GRID2IP: variants seen among roughly 807,000 people sequenced by gnomAD.
GRID2IP encodes Grid2 interacting protein.
A neutral mutation model predicts 114.3 loss-of-function variants in GRID2IP; 78 were observed. That is an observed-to-expected ratio of 0.68 (90% CI 0.57 to 0.82). The LOEUF is 0.82. Among genes scored for constraint, GRID2IP ranks in the 40% least tolerant of loss-of-function variants. The pLI, the probability that GRID2IP is intolerant of heterozygous loss-of-function variation, is 0.00. For synonymous variants in GRID2IP, 809 were observed against 724.0 expected (o/e 1.12, Z -1.89); for missense variants, 1,727 against 1,678.5 (o/e 1.03, Z -0.51).
chr7:6,498,200 A>T lies in GRID2IP; in HGVS notation c.3428T>A (p.Leu1143His). 1 of 1,548,164 alleles carries T rather than the reference A, an allele frequency of 6.5e-7. No homozygotes were observed. The highest frequency in any genetic ancestry group is 8.7e-7 in the Non-Finnish European group (1 of 1,145,918). Residue 1143 changes from leucine to histidine, a missense_variant, in exon 21 of 22, where the codon CTT (leucine) becomes CAT (histidine). Leu to His is a moderately conservative substitution (Grantham distance 99). Transcript: ENST00000457091. ...GCGCTGCAGCCCGTCGAGCGCCCGA[A>T]GTGCTGGCTGGGCCGTCTCCAGGAA... ...SSFLETAQPA[L>H]RALDGLQREA...
intron 2 of GRID2IP, among the ~76,000 whole-genome samples, chr7:6,529,569 A>C (rs1006535671): frequency 6.6e-6 from 1 of 152,214 alleles, no homozygotes; most frequent in Non-Finnish European, 1.5e-5. Context: ...GACAGAGGCC[A>C]AGGCTGCCTG....
Position 6,503,652 on chromosome 7 carries a change from C to CCGCGGGGCTCAGCTT in GRID2IP, c.2731_2745dup (p.Lys911_Ala915dup). 1 of 1,516,650 alleles carries CCGCGGGGCTCAGCTT rather than the reference C, an allele frequency of 6.6e-7. No homozygotes were observed. The highest frequency in any genetic ancestry group is 1.2e-5 in the South Asian group (1 of 82,300). 93.9% of individuals were successfully genotyped at this position (1,516,650 alleles called of 1,614,324 possible). A position where few individuals can be genotyped will look rare whatever the true frequency, so the allele number is the denominator to read the frequency against. On this transcript the variant is annotated inframe_insertion, in exon 16 of 22. Coordinates refer to ENST00000457091, the MANE Select transcript of GRID2IP (RefSeq NM_001145118.2). Reference sequence around the variant, plus strand: ...ATGCTCATCAGCACCTGGCGCAGCTCCGCGGGGCTCAGCTTCAGGTGTGCC... The same window carrying CCGCGGGGCTCAGCTT: ...ATGCTCATCAGCACCTGGCGCAGCTCCGCGGGGCTCAGCTTCGCGGGGCTCAGCTTCAGGTGTGCC...
In GRID2IP at chr7:6,534,430, C is replaced by G. The variant is rs2115090990; in HGVS notation, c.584+5288G>C. Among the ~76,000 whole-genome samples the G allele has an allele frequency of 6.6e-6, 1 of 152,334 alleles. No individual in the cohort carries two copies. The highest frequency in any genetic ancestry group is 2.1e-4 in the South Asian group (1 of 4,830). On this transcript the variant is annotated intron_variant, in intron 2 of 21. Coordinates refer to ENST00000457091, the MANE Select transcript of GRID2IP (RefSeq NM_001145118.2). This position sits in a 1 kb window ranked among gnomAD's most constrained non-coding sequence, Gnocchi z 4.5. ...TTCTCACTTCATCAGACCGGGGTCC[C>G]TTTGGGGAGAGACCCAAATTAGCCT...
chr7:6,505,761 T>C (rs1786560537), intron 14 of GRID2IP, 59 bp downstream of exon 14: 2 of 1,112,514 alleles, frequency 1.8e-6, no homozygotes, highest in East Asian at 5.1e-5. Context: ...ATGCTAAGCC[T>C]GGGGCTGCCA....
chr7:6,551,227 C>T lies in GRID2IP; in HGVS notation c.210G>A (p.Arg70=). The part of the protein sequence containing the change: ...LSRERLVRLA[R]RCPRVPPSLG... ...GACTGGGCGGCACACGTGGGCAGCGCCGTGCCAGGCGCACGAGGCGCTCGC... is the reference window on the plus strand; with the variant it reads ...GACTGGGCGGCACACGTGGGCAGCGTCGTGCCAGGCGCACGAGGCGCTCGC... Residue 70 remains arginine (R), a synonymous_variant, in exon 1 of 22, where the codon CGG becomes CGA. Transcript: ENST00000457091. 6.6e-7 allele frequency: 1 copy of T among 1,525,130 alleles called. No individual in the cohort carries two copies. The highest frequency in any genetic ancestry group is 8.8e-7 in the Non-Finnish European group (1 of 1,142,128). 94.5% of individuals were successfully genotyped at this position (1,525,130 alleles called of 1,614,324 possible).
In GRID2IP at chr7:6,508,095, G is replaced by T. The variant is rs1052029105; in HGVS notation, c.2434C>A (p.Pro812Thr). ...PLPPPVPCAP[P>T]MLSRGLGHRR... Reference sequence around the variant, plus strand: ...TGGCCCAGGCCCCGGGACAGCATGGGGGGTGCACAGGGCACGGGTGGGGGC... The same window carrying T: ...TGGCCCAGGCCCCGGGACAGCATGGTGGGTGCACAGGGCACGGGTGGGGGC... The change falls in exon 13 of 22, where the codon CCC (proline) becomes ACC (threonine). Residue 812 changes from proline (P) to threonine (T), a missense_variant. Pro to Thr is a conservative substitution (Grantham distance 38, BLOSUM62 -1). Transcript: ENST00000457091. This position sits in a 1 kb window ranked among gnomAD's most constrained non-coding sequence, Gnocchi z 5.6. The T allele has an allele frequency of 6.5e-7, 1 of 1,543,334 alleles. No individual in the cohort carries two copies. The highest frequency in any genetic ancestry group is 8.7e-7 in the Non-Finnish European group (1 of 1,145,460).
At position 6,506,350 on chromosome 7, in the gene GRID2IP, G is replaced by A. The variant is rs571874807; in HGVS notation, c.2545-443C>T. On this transcript the variant is annotated intron_variant, in intron 13 of 21. Transcript: ENST00000457091. The surrounding 1 kb of genome is among the most constrained non-coding windows in gnomAD (Gnocchi z 5.2). ...AACTGTGACAGCCTAGGGGCCAGAC[G>A]CTGGACACGTGGCTGTGATGAATGG... is the stretch of plus-strand genomic sequence containing the variant. Among the ~76,000 whole-genome samples the A allele has an allele frequency of 1.9e-3, 286 of 152,320 alleles. No individual in the cohort carries two copies. Among genetic ancestry groups the A allele is most frequent in the African/African-American group, 6.6e-3 (273 of 41,572 alleles).
rs533130436 is a variant in GRID2IP, at chr7:6,530,104, G to A, written c.585-3335C>T. ...CTCCCGAGTAGCTGGGACTACAGGCGCATGCCTTCACACCCGGCTAATTTT... is the reference window on the plus strand; with the variant it reads ...CTCCCGAGTAGCTGGGACTACAGGCACATGCCTTCACACCCGGCTAATTTT... On this transcript the variant is annotated intron_variant, in intron 2 of 21. Transcript: ENST00000457091. 2.4e-4 allele frequency among the ~76,000 whole-genome samples: 36 copies of A among 148,774 alleles called. 1 individual carries two copies. The South Asian group carries it at 3.2e-3, about 13-fold the overall frequency.
At chr7:6,525,977 G>T (rs568827650) in intron 4 of GRID2IP, among the ~76,000 whole-genome samples, 15 of 152,266 alleles carry the variant, frequency 9.9e-5, no homozygotes, top group African/African-American at 3.6e-4. Flanking sequence ...AATTTAGAGG[G>T]GCAGGGGTGG....
rs999130168 is a variant in GRID2IP at position 6,516,470 on chromosome 7, A to T, written c.1269-1941T>A. Among the ~76,000 whole-genome samples, 6 of 145,098 alleles carry T rather than the reference A, an allele frequency of 4.1e-5. No homozygotes were observed. Among genetic ancestry groups the T allele is most frequent in the Admixed American group, 1.4e-4 (2 of 14,676 alleles). On this transcript the variant is annotated intron_variant, in intron 7 of 21. Coordinates refer to ENST00000457091, the MANE Select transcript of GRID2IP (RefSeq NM_001145118.2). The surrounding 1 kb of genome is among the most constrained non-coding windows in gnomAD (Gnocchi z 4.3). Reference sequence around the variant, plus strand: ...CGGTGAGAAGTGACCAAAAGACAAGAGTGTGAGCCCTCCGTTATGCCTGGA... The same window carrying T: ...CGGTGAGAAGTGACCAAAAGACAAGTGTGTGAGCCCTCCGTTATGCCTGGA...
rs2115364247 is a variant in GRID2IP at position 6,509,295 on chromosome 7, C to A, written c.1790G>T (p.Gly597Val). The A allele has an allele frequency of 2.0e-6, 3 of 1,523,168 alleles. No homozygotes were observed. The highest frequency in any genetic ancestry group is 1.3e-5 in the South Asian group (1 of 78,824). The allele number at this position is 1,523,168 out of a possible 1,614,324, so 94.4% of individuals were successfully genotyped here. The part of the protein sequence containing the change: ...AVTTGPRTLS[G>V]VSWPSERLLP... The stretch of plus-strand genomic sequence containing the variant: ...GAGTCGCTCGCTGGGCCATGAGACG[C>A]CGGACAGGGTCCTGGGCCCTGGAGG... The change falls in exon 12 of 22, where the codon GGC becomes GTC. Residue 597 changes from glycine (G) to valine (V), a missense_variant. Transcript: ENST00000457091. This position sits in a 1 kb window ranked among gnomAD's most constrained non-coding sequence, Gnocchi z 4.9.
At chr7:6,531,032 G>A (rs773304591) in intron 2 of GRID2IP, 2 of 644,544 alleles carry the variant, frequency 3.1e-6, no homozygotes, top group Admixed American at 2.4e-5. Flanking sequence ...GAGGGCGCAC[G>A]GTTCCCGGAG....
chr7:6,531,332 G>C (rs1426446437), intron 2 of GRID2IP: 1 of 389,748 alleles, frequency 2.6e-6, no homozygotes, highest in Non-Finnish European at 4.5e-6. Flanking sequence ...CTGGGGTGCA[G>C]CGGAAACTGG....
At chr7:6,539,665 G>C (rs978851599) in intron 2 of GRID2IP, 53 bp downstream of exon 2, 2 of 1,460,780 alleles carry the variant, frequency 1.4e-6, no homozygotes, top group Non-Finnish European at 9.1e-7. Context: ...AGGGAATGAT[G>C]GCTCTAAGTG....
rs746503046 is a variant in GRID2IP at position 6,526,524 on chromosome 7, C to A, written c.830G>T (p.Arg277Leu). 7.2e-6 allele frequency: 9 copies of A among 1,247,864 alleles called. No homozygotes were observed. Among genetic ancestry groups the A allele is most frequent in the South Asian group, 3.2e-5 (1 of 31,704 alleles). 77.3% of individuals were successfully genotyped at this position (1,247,864 alleles called of 1,614,324 possible). A position where few individuals can be genotyped will look rare whatever the true frequency, so the allele number is the denominator to read the frequency against. ...VGGLAGPGGA[R>L]RTVRVYKGNK... Reference sequence around the variant, plus strand: ...AGTGCCTGTGAGCCCCGCGTACCTGCGCGCGCCCCCGGGGCCGGCGAGGCC... The same window carrying A: ...AGTGCCTGTGAGCCCCGCGTACCTGAGCGCGCCCCCGGGGCCGGCGAGGCC... The change falls in exon 3 of 22, where the codon CGC becomes CTC. Residue 277 changes from arginine (R) to leucine (L), a missense_variant. By Grantham distance (102) the Arg-to-Leu change is moderately radical. Transcript: ENST00000457091. This position sits in a 1 kb window ranked among gnomAD's most constrained non-coding sequence, Gnocchi z 7.6.
Position 6,501,918 on chromosome 7 carries a change from G to A in GRID2IP, c.3281-19C>T, listed in dbSNP as rs1786426616. ...TGGTTCACTGTAGGGAAGAGGACAG[G>A]GGCTGCATGGGGCCACTCTCCCAGC... is the stretch of plus-strand genomic sequence containing the variant. On this transcript the variant is annotated intron_variant, in intron 19 of 21. Coordinates refer to ENST00000457091, the MANE Select transcript of GRID2IP (RefSeq NM_001145118.2). The A allele has an allele frequency of 6.4e-7, 1 of 1,550,462 alleles. No homozygotes were observed. The highest frequency in any genetic ancestry group is 1.2e-5 in the South Asian group (1 of 84,052).
Position 6,509,849 on chromosome 7 carries a change from A to T in GRID2IP, c.1771+434T>A, listed in dbSNP as rs1265686658. On this transcript the variant is annotated intron_variant, in intron 11 of 21. Coordinates refer to ENST00000457091, the MANE Select transcript of GRID2IP (RefSeq NM_001145118.2). The surrounding 1 kb of genome is among the most constrained non-coding windows in gnomAD (Gnocchi z 4.9). ...GCCTTCTTTCTTTTTCTTTTTTAAG[A>T]CAGGGTCTTACTCTGTTGCTTATAG... 1.3e-5 allele frequency among the ~76,000 whole-genome samples: 2 copies of T among 152,146 alleles called. No homozygotes were observed. The highest frequency in any genetic ancestry group is 2.4e-5 in the African/African-American group (1 of 41,426).
intron 14 of GRID2IP, 96 bp downstream of exon 14, chr7:6,505,724 A>T: frequency 1.3e-6 from 1 of 768,016 alleles, no homozygotes. Context: ...GCATCAGGTT[A>T]AATAGTAGTC....
chr7:6,513,850 G>A (rs1202632588), intron 8 of GRID2IP, among the ~76,000 whole-genome samples: 3 of 149,736 alleles, frequency 2.0e-5, no homozygotes, highest in African/African-American at 7.4e-5. Context: ...TGGGAGGCCG[G>A]AGTGGGAGGA....
Sources: gnomAD v4.1 joint callset for allele counts (sites outside exome capture counted in the v4.1 genomes callset) on GRCh38, gnomAD v4.1.1 for gene constraint, Gnocchi (gnomAD v3.1) non-coding constraint, MANE v1.5 for transcripts, NCBI Gene and HGNC (gene_info 2026-07-23, HGNC 2026-07-21) for gene names.